The following ZNF732 variants were observed in gnomAD, a reference collection of about 807,000 sequenced individuals.
ZNF732 encodes the protein zinc finger protein 732.
Under a neutral mutation model 11.5 loss-of-function variants are expected in ZNF732, and 12 were observed. That is an observed-to-expected ratio of 1.05 (90% CI 0.67 to 1.70). The LOEUF (loss-of-function observed/expected upper bound fraction) is 1.70. ZNF732 is among the 40% of genes most tolerant of loss of function. The pLI is 0.00. For missense variants in ZNF732, 702 were observed against 676.9 expected, an observed-to-expected ratio of 1.04 and a Z score of -0.41; for synonymous variants, 231 against 236.5, an observed-to-expected ratio of 0.98 and a Z score of 0.21.
intron 3 of ZNF732, among the ~76,000 whole-genome samples, chr4:293,310 G>GTA (rs1308418750): frequency 3.8e-4 from 50 of 132,908 alleles, no homozygotes; most frequent in South Asian, 8.8e-4. Flanking sequence ...GTGTGTGTGT[G>GTA]TATATATATA....
chr4:283,456 G>A (rs1320496528), intron 3 of ZNF732, among the ~76,000 whole-genome samples: 1 of 151,282 alleles, frequency 6.6e-6, no homozygotes, highest in Admixed American at 6.6e-5. Context: ...AACTAAAAGA[G>A]TATAGAAGTG....
chr4:292,557 C>CAAA (rs200025940), intron 3 of ZNF732, among the ~76,000 whole-genome samples: 1 of 89,980 alleles, frequency 1.1e-5, no homozygotes. Flanking sequence ...AACTCTGTCT[C>CAAA]AAAAAAAAAA....
At chr4:288,684 T>G (rs192860208) in intron 3 of ZNF732, among the ~76,000 whole-genome samples, 84 of 152,316 alleles carry the variant, frequency 5.5e-4, no homozygotes, top group African/African-American at 2.0e-3. Context: ...GCCTCTAGCT[T>G]TGTTCTTATT....
Position 305,390 on chromosome 4 carries a change from G to T in ZNF732, c.-80C>A. The T allele has an allele frequency of 1.9e-6, 3 of 1,586,684 alleles. No individual in the cohort carries two copies. Among genetic ancestry groups the T allele is most frequent in the Non-Finnish European group, 1.7e-6 (2 of 1,165,456 alleles). On this transcript the variant is annotated 5_prime_UTR_variant, in exon 1 of 4. Coordinates refer to ENST00000419098, the MANE Select transcript of ZNF732 (RefSeq NM_001137608.3). ...AGGTCACAGAGCGACGGAGGCTGAGGCTGTGACCGAATCACCGACGCCTCC... is the reference window on the plus strand; with the variant it reads ...AGGTCACAGAGCGACGGAGGCTGAGTCTGTGACCGAATCACCGACGCCTCC...
chr4:297,901 C>T (rs1279463976), intron 1 of ZNF732, among the ~76,000 whole-genome samples: 9 of 152,114 alleles, frequency 5.9e-5, no homozygotes, highest in African/African-American at 1.9e-4. Flanking sequence ...AGGGTTAGGA[C>T]AGAGAGTGGG....
chr4:300,278 C>T (rs1415154899), intron 1 of ZNF732, among the ~76,000 whole-genome samples: 3 of 150,482 alleles, frequency 2.0e-5, no homozygotes, highest in Non-Finnish European at 3.0e-5. Flanking sequence ...CTGGCTAACA[C>T]GGTGAAACCC....
Position 272,401 on chromosome 4 carries a change from T to G in ZNF732, c.456A>C (p.Thr152=). 1 of 1,597,076 alleles carries G rather than the reference T, an allele frequency of 6.3e-7. No homozygotes were observed. The highest frequency in any genetic ancestry group is 8.5e-7 in the Non-Finnish European group (1 of 1,170,524). ...QCNVHVKVFS[T]FSNSNQRRIR... ...TCCTACGTTGGTTTGAATTTGAAAA[T>G]GTACTAAATACTTTGACATGTACAT... The change falls in exon 4 of 4, where the codon ACA becomes ACC. Residue 152 remains threonine, a synonymous_variant. Coordinates refer to ENST00000419098, the MANE Select transcript of ZNF732 (RefSeq NM_001137608.3).
At chr4:292,843 G>A (rs1553841532) in intron 3 of ZNF732, among the ~76,000 whole-genome samples, 1 of 131,920 alleles carries the variant, frequency 7.6e-6, no homozygotes, top group African/African-American at 2.9e-5. Context: ...TCAGGAGATC[G>A]AGACCATCCT....
rs531888566 is a variant in ZNF732, at chr4:296,742, GTCT to G, written c.4-590_4-588del. Among the ~76,000 whole-genome samples the G allele has an allele frequency of 4.4e-3, 664 of 152,280 alleles. 4 individuals carry two copies. The highest frequency in any genetic ancestry group is 0.015 in the African/African-American group (635 of 41,556). ...TTCATGAATTAGCTTCTTATAGCAA[GTCT>G]TCTGTTAATGCTGATGTTCCTCCAC... On this transcript the variant is annotated intron_variant, in intron 1 of 3. Coordinates refer to ENST00000419098, the MANE Select transcript of ZNF732 (RefSeq NM_001137608.3).
At chr4:277,562 T>A (rs1268925072) in intron 3 of ZNF732, among the ~76,000 whole-genome samples, 2 of 151,208 alleles carry the variant, frequency 1.3e-5, no homozygotes, top group Non-Finnish European at 3.0e-5. Flanking sequence ...AACCACAATA[T>A]AAGACTTGAC....
chr4:300,679 A>G (rs1467744423), intron 1 of ZNF732, among the ~76,000 whole-genome samples: 1 of 152,142 alleles, frequency 6.6e-6, no homozygotes, highest in Non-Finnish European at 1.5e-5. Flanking sequence ...TTGGAACTAC[A>G]TATTTAAGAC....
At chr4:303,397 A>C (rs1553843862) in intron 1 of ZNF732, among the ~76,000 whole-genome samples, 1 of 152,106 alleles carries the variant, frequency 6.6e-6, no homozygotes, top group East Asian at 1.9e-4. Flanking sequence ...CAACATTAAC[A>C]CCTGAGGTAA....
intron 3 of ZNF732, among the ~76,000 whole-genome samples, chr4:292,927 G>A (rs1489044909): frequency 7.0e-6 from 1 of 142,630 alleles, no homozygotes; most frequent in Non-Finnish European, 1.5e-5. Context: ...AATTAGCCAG[G>A]CGTGGTGTTA....
chr4:276,159 T>C (rs1418558828), intron 3 of ZNF732, among the ~76,000 whole-genome samples: 1 of 151,680 alleles, frequency 6.6e-6, no homozygotes. Flanking sequence ...ATTAGGAGAA[T>C]TTCAATGACT....
At position 271,514 on chromosome 4, in the gene ZNF732, C is replaced by T. The variant is rs782009847; in HGVS notation, c.1343G>A (p.Cys448Tyr). 69 of 1,611,384 alleles carry T rather than the reference C, an allele frequency of 4.3e-5. No homozygotes were observed. Among genetic ancestry groups the T allele is most frequent in the Admixed American group, 6.7e-5 (4 of 59,818 alleles). ...IIHTGEKPYK[C>Y]EECGKAFGWS... The stretch of plus-strand genomic sequence containing the variant: ...TCCAAAGGCTTTGCCACACTCTTCA[C>T]ATTTGTAAGGTTTCTCTCCAGTATG... Residue 448 changes from cysteine (C) to tyrosine (Y), a missense_variant, in exon 4 of 4, where the codon TGT becomes TAT. This residue lies in a region of ZNF732 where 596 missense variants were observed against 557.9 expected (regional missense o/e 1.07). Transcript: ENST00000419098.
intron 1 of ZNF732, among the ~76,000 whole-genome samples, chr4:303,230 C>A (rs563204233): frequency 5.3e-5 from 8 of 151,856 alleles, no homozygotes; most frequent in Non-Finnish European, 1.2e-4. Context: ...TTTAACTAGA[C>A]CCCCCCTCCC....
At chr4:304,031 G>A (rs1407336358) in intron 1 of ZNF732, among the ~76,000 whole-genome samples, 1 of 152,160 alleles carries the variant, frequency 6.6e-6, no homozygotes, top group Non-Finnish European at 1.5e-5. Flanking sequence ...GCCTGGGTGG[G>A]GGAAGGAAAC....
chr4:282,316 A>G (rs1719634496), intron 3 of ZNF732, among the ~76,000 whole-genome samples: 1 of 152,338 alleles, frequency 6.6e-6, no homozygotes, highest in African/African-American at 2.4e-5. Context: ...GTTCAAAACC[A>G]GCCTGGTCAA....
intron 3 of ZNF732, 60 bp downstream of exon 3, chr4:295,378 G>T: frequency 7.3e-7 from 1 of 1,378,192 alleles, no homozygotes; most frequent in African/African-American, 1.5e-5. Flanking sequence ...TTAAGGCCTA[G>T]CTTCCTTCTG....
Sources: gnomAD v4.1 joint callset for allele counts (sites outside exome capture counted in the v4.1 genomes callset) on GRCh38, gnomAD v4.1.1 for gene constraint, gnomAD v4.1.1 regional missense constraint, MANE v1.5 for transcripts, NCBI Gene and HGNC (gene_info 2026-07-23, HGNC 2026-07-21) for gene names.